Variants in VRTN observed in about 807,000 individuals in gnomAD.
VRTN encodes vertnin.
A neutral mutation model predicts 18.2 loss-of-function variants in VRTN; 5 were observed. That is an observed-to-expected ratio of 0.27 (90% CI 0.14 to 0.58). VRTN has a LOEUF of 0.58. Among genes scored for constraint, VRTN ranks in the 20% least tolerant of loss-of-function variants. VRTN has a pLI of 0.91. For missense variants in VRTN, 741 were observed against 939.4 expected, an observed-to-expected ratio of 0.79 and a Z score of 2.76; for synonymous variants, 381 against 393.7, an observed-to-expected ratio of 0.97 and a Z score of 0.38.
chr14:74,356,660 G>A, intron 1 of VRTN, 123 bp from the exon 2 acceptor site: 3 of 1,313,302 alleles, frequency 2.3e-6, no homozygotes, highest in Non-Finnish European at 3.1e-6. Context: ...TCTGTTGTGG[G>A]AGGACGGGAG....
intron 1 of VRTN, 38 bp from the exon 2 acceptor site, chr14:74,356,745 C>T (rs779379470): frequency 7.2e-6 from 11 of 1,535,080 alleles, no homozygotes; most frequent in South Asian, 5.0e-5. Context: ...CTGGGCACTT[C>T]GACCTGACTA....
rs561851897 is a variant in VRTN at position 74,356,649 on chromosome 14, G to A, written c.-1-134G>A. On this transcript the variant is annotated intron_variant, in intron 1 of 1. Coordinates refer to ENST00000256362, the MANE Select transcript of VRTN (RefSeq NM_018228.3). ...TACCATTCAGTGATGAACCAATCCC[G>A]TCTGTTGTGGGAGGACGGGAGCAGA... is the stretch of plus-strand genomic sequence containing the variant. 437 of 1,266,434 alleles carry A rather than the reference G, an allele frequency of 3.5e-4. 1 individual carries two copies. The Middle Eastern group carries it at 4.0e-3, about 12-fold the overall frequency. 78.4% of individuals were successfully genotyped at this position (1,266,434 alleles called of 1,614,324 possible).
At chr14:74,348,377 AC>A (rs1389226150), upstream of VRTN, 2 of 151,678 alleles carry the variant, frequency 1.3e-5, no homozygotes, top group Non-Finnish European at 2.9e-5. Flanking sequence ...ATTGGAAGTG[AC>A]CCCCGAATTT....
At chr14:74,316,637 CT>C (rs370697776) in intron 1 of VRTN, among the ~76,000 whole-genome samples, 22,258 of 131,012 alleles carry the variant, frequency 0.17, 2,192 homozygotes, top group East Asian at 0.47. Context: ...AGGGATTATT[CT>C]TTTTTTTTTT....
At position 74,303,843 on chromosome 14, in the gene VRTN, ATTTTTTT is replaced by A. The variant is rs67822776; in HGVS notation, c.-164+686_-164+692del. Among the ~76,000 whole-genome samples the A allele has an allele frequency of 3.7e-3, 329 of 88,520 alleles. 1 individual carries two copies. The highest frequency in any genetic ancestry group is 0.015 in the African/African-American group (298 of 19,360). 58.1% of individuals were successfully genotyped at this position (88,520 alleles called of 152,430 possible). On this transcript the variant is annotated intron_variant, in intron 1 of 2. Transcript: ENST00000557177. The stretch of plus-strand genomic sequence containing the variant: ...TAGGTCAATCAGTTGACAATTACAG[ATTTTTTT>A]TTTTTTTTTTTTTTTTTTGATACGG...
intron 1 of VRTN, among the ~76,000 whole-genome samples, chr14:74,331,438 A>G (rs1267129921): frequency 6.7e-6 from 1 of 149,630 alleles, no homozygotes; most frequent in Non-Finnish European, 1.5e-5. Context: ...TTGAGGTAGG[A>G]GAATCGCTTG....
upstream of VRTN, among the ~76,000 whole-genome samples, chr14:74,344,750 A>AAAAAAAAATT (rs1410658975): frequency 1.6e-5 from 2 of 128,090 alleles, no homozygotes; most frequent in African/African-American, 3.1e-5. Context: ...AAAAAAAATG[A>AAAAAAAAATT]AAAAAAGAAA....
At chr14:74,340,106 T>C (rs2085591182) in intron 2 of VRTN, among the ~76,000 whole-genome samples, 1 of 135,602 alleles carries the variant, frequency 7.4e-6, no homozygotes, top group African/African-American at 3.0e-5. Context: ...CAGCTAATGT[T>C]TGTATTTTTT....
chr14:74,338,692 C>G (rs1467389397), intron 2 of VRTN, among the ~76,000 whole-genome samples: 1 of 150,954 alleles, frequency 6.6e-6, no homozygotes, highest in Admixed American at 6.6e-5. Context: ...GTAGCTGGGA[C>G]TATAGTTGCA....
chr14:74,331,592 A>ATATATATATATATATATATATAT (rs1555411086), intron 1 of VRTN, among the ~76,000 whole-genome samples: 1 of 128,438 alleles, frequency 7.8e-6, no homozygotes, highest in Non-Finnish European at 1.7e-5. Context: ...ATATATATAC[A>ATATATATATATATATATATATAT]AAAAAGAAAA....
chr14:74,305,192 T>C (rs1208873930), intron 1 of VRTN, among the ~76,000 whole-genome samples: 1 of 151,374 alleles, frequency 6.6e-6, no homozygotes, highest in Non-Finnish European at 1.5e-5. Flanking sequence ...ATTAGCCAGG[T>C]GTGGTGGCGG....
intron 1 of VRTN, among the ~76,000 whole-genome samples, chr14:74,331,751 T>A (rs2140202102): frequency 6.6e-6 from 1 of 151,086 alleles, no homozygotes; most frequent in East Asian, 2.0e-4. Context: ...CGTGAAATCT[T>A]CACAACATGC....
exon 1 of VRTN, chr14:74,303,161 G>T: frequency 2.4e-6 from 1 of 423,846 alleles, no homozygotes. Context: ...GTATCCGAGA[G>T]TGTAACTACT....
intron 1 of VRTN, among the ~76,000 whole-genome samples, chr14:74,307,143 T>C (rs1397489037): frequency 2.1e-5 from 3 of 143,266 alleles, no homozygotes; most frequent in African/African-American, 5.2e-5. Context: ...GGCCCTTTTT[T>C]TTTTTTTTTT....
At chr14:74,309,821 TA>T (rs1428035795) in intron 1 of VRTN, among the ~76,000 whole-genome samples, 2 of 152,206 alleles carry the variant, frequency 1.3e-5, no homozygotes, top group Non-Finnish European at 2.9e-5. Context: ...CTCACTCTTA[TA>T]CATAGATAAA....
chr14:74,304,713 A>T (rs2085308491), intron 1 of VRTN, among the ~76,000 whole-genome samples: 1 of 151,822 alleles, frequency 6.6e-6, no homozygotes, highest in South Asian at 2.1e-4. Context: ...GCTTTACCCC[A>T]CCCCCTAGCA....
rs866842756 is a variant in VRTN, at chr14:74,357,156, G to A, written c.373G>A (p.Asp125Asn). 1.3e-6 allele frequency: 2 copies of A among 1,597,678 alleles called. No individual in the cohort carries two copies. Among genetic ancestry groups the A allele is most frequent in the South Asian group, 1.1e-5 (1 of 90,788 alleles). Residue 125 changes from aspartate (D) to asparagine (N), a missense_variant, in exon 2 of 2, where the codon GAC becomes AAC. Physicochemically the swap from Asp to Asn is conservative, Grantham distance 23 (BLOSUM62 1). This residue lies in a region of VRTN where 186 missense variants were observed against 288.3 expected (regional missense o/e 0.65). Transcript: ENST00000256362. The surrounding 1 kb of genome is among the most constrained non-coding windows in gnomAD (Gnocchi z 7.8). ...HRHYYLQGMI[D>N]SKVMLQAVRY... ...ACACTACTACCTCCAGGGCATGATC[G>A]ACTCCAAAGTGATGCTGCAGGCCGT...
chr14:74,339,901 A>G (rs2085589475), intron 2 of VRTN, among the ~76,000 whole-genome samples: 1 of 152,138 alleles, frequency 6.6e-6, no homozygotes. Flanking sequence ...TACAGTGAAT[A>G]TAATAGGTGT....
chr14:74,308,487 G>A (rs1426952314), intron 1 of VRTN, among the ~76,000 whole-genome samples: 1 of 151,830 alleles, frequency 6.6e-6, no homozygotes, highest in Non-Finnish European at 1.5e-5. Flanking sequence ...ATGTAAACCA[G>A]ATCAACAGTC....
Sources: allele counts gnomAD v4.1 joint callset (sites outside exome capture counted in the v4.1 genomes callset), GRCh38; gene constraint gnomAD v4.1.1; regional missense constraint gnomAD v4.1.1; non-coding constraint Gnocchi (gnomAD v3.1); transcripts MANE v1.5; gene names NCBI Gene and HGNC (gene_info 2026-07-23, HGNC 2026-07-21).